The following GBF1 variants were observed in gnomAD, a reference collection of about 807,000 sequenced individuals.
GBF1 encodes the protein Golgi-specific brefeldin A-resistance guanine nucleotide exchange factor 1.
In GBF1, 114 loss-of-function variants were observed where a neutral mutation model predicts 210.5. The ratio of observed to expected loss-of-function variants is 0.54; its 90% CI spans 0.47 to 0.63. The LOEUF (loss-of-function observed/expected upper bound fraction) is 0.63, where lower values mean the gene tolerates loss of function less well. GBF1 is among the 30% of genes least tolerant of loss of function. The probability of loss-of-function intolerance (pLI) is 0.00; values close to 1 mark genes in which losing one functional copy is unlikely to be tolerated. For synonymous variants in GBF1, 850 were observed against 889.2 expected (o/e 0.96, Z 0.78); for missense variants, 1,851 against 2,357.7 (o/e 0.79, Z 4.45).
chr10:102,333,402 A>C (rs1207296293), intron 3 of GBF1, among the ~76,000 whole-genome samples: 1 of 152,140 alleles, frequency 6.6e-6, no homozygotes, highest in Non-Finnish European at 1.5e-5. Flanking sequence ...GAGGTTTGGC[A>C]GTTATTCCAG....
intron 7 of GBF1, 24 bp downstream of exon 7, chr10:102,352,542 A>G (rs371872645): frequency 3.4e-5 from 54 of 1,567,872 alleles, no homozygotes; most frequent in African/African-American, 1.9e-4. Flanking sequence ...TGTTTGCTTC[A>G]GCCCGGCTGC....
rs747145806 is a variant in GBF1, at chr10:102,370,681, A to G, written c.3507-26A>G. On this transcript the variant is annotated intron_variant, in intron 28 of 39. Coordinates refer to ENST00000369983, the MANE Select transcript of GBF1 (RefSeq NM_001377137.1). ...CCCAGTGGCCCCTCTGGCTGAGACTATCTTCATTCCTTTATGTCTACACAG... is the reference window on the plus strand; with the variant it reads ...CCCAGTGGCCCCTCTGGCTGAGACTGTCTTCATTCCTTTATGTCTACACAG... The G allele has an allele frequency of 3.7e-6, 6 of 1,611,090 alleles. No homozygotes were observed. The South Asian group carries it at 5.5e-5, about 15-fold the overall frequency.
At chr10:102,236,801 T>C in the GBF1 span, among the ~76,000 whole-genome samples, 1 of 152,152 alleles carries the variant, frequency 6.6e-6, no homozygotes, top group African/African-American at 2.4e-5. Flanking sequence ...GGAACTCAAA[T>C]AGGAGAAAAC....
At chr10:102,380,924 C>T (rs2135385864) in intron 38 of GBF1, among the ~76,000 whole-genome samples, 1 of 152,180 alleles carries the variant, frequency 6.6e-6, no homozygotes, top group Admixed American at 6.5e-5. Context: ...AGGAGAATCA[C>T]TTGAACCCGG....
At chr10:102,260,582 A>G (rs1281199500) in intron 3 of GBF1, among the ~76,000 whole-genome samples, 1 of 142,852 alleles carries the variant, frequency 7.0e-6, no homozygotes, top group Non-Finnish European at 1.5e-5. Flanking sequence ...GGTTTAAGCC[A>G]GTCTCCTGCC....
chr10:102,359,806 G>A (rs2059494943), intron 11 of GBF1, among the ~76,000 whole-genome samples: 1 of 148,984 alleles, frequency 6.7e-6, no homozygotes, highest in African/African-American at 2.5e-5. Context: ...TGTCGCCCAG[G>A]CTGGATTGCT....
At position 102,358,562 on chromosome 10, in the gene GBF1, G is replaced by C. The variant is rs1288692135; in HGVS notation, c.844G>C (p.Ala282Pro). Residue 282 changes from alanine (A) to proline (P), a missense_variant, in exon 10 of 40, where the codon GCC becomes CCC. By Grantham distance (27) the Ala-to-Pro change is conservative. Around this residue, in one of 3 missense-constraint regions of GBF1, gnomAD observed 804 missense variants for 958.6 expected, o/e 0.84. Coordinates refer to ENST00000369983, the MANE Select transcript of GBF1 (RefSeq NM_001377137.1). Reference protein sequence around the residue: ...TPISSASSEAASAVVSPSTDS... With the variant: ...TPISSASSEAPSAVVSPSTDS... Reference sequence around the variant, plus strand: ...CATCTCCTCTGCAAGTTCAGAAGCTGCCTCAGCAGTGGTCAGTCCCTCTAC... The same window carrying C: ...CATCTCCTCTGCAAGTTCAGAAGCTCCCTCAGCAGTGGTCAGTCCCTCTAC... 6.2e-7 allele frequency: 1 copy of C among 1,614,102 alleles called. No individual in the cohort carries two copies. The highest frequency in any genetic ancestry group is 8.5e-7 in the Non-Finnish European group (1 of 1,179,974).
At chr10:102,244,445 C>G (rs979645070), upstream of GBF1, among the ~76,000 whole-genome samples, 11 of 152,232 alleles carry the variant, frequency 7.2e-5, no homozygotes, top group Non-Finnish European at 5.9e-5. Flanking sequence ...CACGCATTCT[C>G]ACTTCCAGGT....
At chr10:102,306,103 G>C (rs894202197) in intron 3 of GBF1, among the ~76,000 whole-genome samples, 3 of 152,136 alleles carry the variant, frequency 2.0e-5, no homozygotes, top group African/African-American at 7.2e-5. Context: ...TTGAGATATA[G>C]ACTGGGCTTT....
chr10:102,363,102 G>A lies in GBF1; in HGVS notation c.1877-154G>A, dbSNP rs1320534517. ...AGAATCTAATGCTTGGCTGGGACAG[G>A]GACTACTTATTTTGGCTTGGGTTTG... On this transcript the variant is annotated intron_variant, in intron 15 of 39. Transcript: ENST00000369983. This position sits in a 1 kb window ranked among gnomAD's most constrained non-coding sequence, Gnocchi z 4.2. 1.3e-5 allele frequency among the ~76,000 whole-genome samples: 2 copies of A among 152,164 alleles called. No homozygotes were observed. Among genetic ancestry groups the A allele is most frequent in the Admixed American group, 6.5e-5 (1 of 15,270 alleles).
chr10:102,303,729 C>T (rs2077601974), intron 3 of GBF1, among the ~76,000 whole-genome samples: 1 of 152,196 alleles, frequency 6.6e-6, no homozygotes, highest in Non-Finnish European at 1.5e-5. Flanking sequence ...CGACTTTCTA[C>T]CAAGTACTCT....
chr10:102,341,820 C>G (rs2058200316), intron 3 of GBF1, among the ~76,000 whole-genome samples: 1 of 152,160 alleles, frequency 6.6e-6, no homozygotes. Flanking sequence ...CTGCCCTACT[C>G]TTTTACCGTG....
chr10:102,257,486 T>C (rs2133985759), intron 1 of GBF1, among the ~76,000 whole-genome samples: 1 of 152,064 alleles, frequency 6.6e-6, no homozygotes, highest in East Asian at 1.9e-4. Flanking sequence ...TTTTTTAGTT[T>C]TGTTTTTTTG....
intron 3 of GBF1, among the ~76,000 whole-genome samples, chr10:102,274,645 T>C (rs912252601): frequency 1.3e-5 from 2 of 150,462 alleles, no homozygotes; most frequent in African/African-American, 4.9e-5. Flanking sequence ...CCTCTTTGGC[T>C]TGGGCTTCTG....
chr10:102,379,511 T>G lies in GBF1; in HGVS notation c.4646-10T>G. The G allele has an allele frequency of 6.2e-7, 1 of 1,614,122 alleles. No individual in the cohort carries two copies. Among genetic ancestry groups the G allele is most frequent in the Non-Finnish European group, 8.5e-7 (1 of 1,180,016 alleles). On this transcript the variant is annotated splice_polypyrimidine_tract_variant and intron_variant, in intron 34 of 39. Coordinates refer to ENST00000369983, the MANE Select transcript of GBF1 (RefSeq NM_001377137.1). ...TGCCTGAAGGATCCTGACCCTGCTC[T>G]TGCTCTCAGGTATTGCCTGCCTGTG...
chr10:102,381,435 C>G (rs1320722476), intron 39 of GBF1, among the ~76,000 whole-genome samples, 180 bp downstream of exon 39: 1 of 152,224 alleles, frequency 6.6e-6, no homozygotes, highest in Non-Finnish European at 1.5e-5. Flanking sequence ...CTATGAGGAA[C>G]TAGCTGCTTG....
rs374867244 is a variant in GBF1 at position 102,379,150 on chromosome 10, G to T, written c.4495-134G>T. 5.4e-6 allele frequency: 4 copies of T among 736,972 alleles called. No homozygotes were observed. The African/African-American group carries it at 7.1e-5, about 13-fold the overall frequency. The allele number at this position is 736,972 out of a possible 1,614,324, so 45.7% of individuals were successfully genotyped here. A position where few individuals can be genotyped will look rare whatever the true frequency, so the allele number is the denominator to read the frequency against. On this transcript the variant is annotated intron_variant, in intron 33 of 39. Coordinates refer to ENST00000369983, the MANE Select transcript of GBF1 (RefSeq NM_001377137.1). ...GGAAGTCAAGTCAAGGGAAAGAGTA[G>T]CGAGGGGGTGAGGTATGGCATGATT...
rs774211367 is a variant in GBF1 at position 102,363,360 on chromosome 10, G to A, written c.1981G>A (p.Gly661Arg). 1.9e-6 allele frequency: 3 copies of A among 1,614,134 alleles called. No individual in the cohort carries two copies. The South Asian group carries it at 3.3e-5, about 18-fold the overall frequency. Residue 661 changes from glycine (G) to arginine (R), a missense_variant, in exon 16 of 40, where the codon GGA (glycine) becomes AGA (arginine). Around this residue, in one of 3 missense-constraint regions of GBF1, gnomAD observed 804 missense variants for 958.6 expected, o/e 0.84. Coordinates refer to ENST00000369983, the MANE Select transcript of GBF1 (RefSeq NM_001377137.1). This position sits in a 1 kb window ranked among gnomAD's most constrained non-coding sequence, Gnocchi z 4.2. The part of the protein sequence containing the change: ...GRLPPEHGKS[G>R]CSDLEEAVDS... Reference sequence around the variant, plus strand: ...GCTGCCACCAGAACATGGGAAATCAGGATGCAGTGATCTGGAGGAAGCTGT... The same window carrying A: ...GCTGCCACCAGAACATGGGAAATCAAGATGCAGTGATCTGGAGGAAGCTGT...
At chr10:102,235,241 CTG>C in the GBF1 span, among the ~76,000 whole-genome samples, 1 of 144,396 alleles carries the variant, frequency 6.9e-6, no homozygotes, top group Non-Finnish European at 1.5e-5. Flanking sequence ...GCTAAGGACT[CTG>C]TGTGGGGGAG....
Sources: allele counts gnomAD v4.1 joint callset (sites outside exome capture counted in the v4.1 genomes callset), GRCh38; gene constraint gnomAD v4.1.1; regional missense constraint gnomAD v4.1.1; non-coding constraint Gnocchi (gnomAD v3.1); transcripts MANE v1.5; gene names NCBI Gene and HGNC (gene_info 2026-07-23, HGNC 2026-07-21).